Variants in PLCB1 observed in about 807,000 individuals in gnomAD.
PLCB1 encodes the protein 1-phosphatidylinositol 4,5-bisphosphate phosphodiesterase beta-1.
PLCB1 carries 46 observed loss-of-function variants against 161.8 expected under a neutral mutation model. The observed-to-expected ratio is 0.28, with a 90% CI of 0.22 to 0.36. The LOEUF is 0.36. Ranked by LOEUF, PLCB1 falls within the 10% of genes least tolerant of loss-of-function variation. The pLI is 1.00. For synonymous variants in PLCB1, 517 were observed against 503.7 expected (o/e 1.03, Z -0.35); for missense variants, 1,016 against 1,472.5 (o/e 0.69, Z 5.07).
At chr20:8,332,636 T>A (rs1985410318) in intron 2 of PLCB1, among the ~76,000 whole-genome samples, 1 of 152,222 alleles carries the variant, frequency 6.6e-6, no homozygotes, top group South Asian at 2.1e-4. Flanking sequence ...ACGTAGCCAC[T>A]CAGTGGCAAA....
intron 3 of PLCB1, among the ~76,000 whole-genome samples, chr20:8,550,622 T>C (rs1298593624): frequency 6.6e-6 from 1 of 152,138 alleles, no homozygotes; most frequent in Non-Finnish European, 1.5e-5. Flanking sequence ...CATAGCAGCA[T>C]AAGAATGGAC....
chr20:8,347,751 T>C (rs559113084), intron 2 of PLCB1, among the ~76,000 whole-genome samples: 1 of 152,312 alleles, frequency 6.6e-6, no homozygotes, highest in African/African-American at 2.4e-5. Context: ...GCCTGAAAGA[T>C]AAAATGAAAC....
At chr20:8,761,507 C>A (rs1025459357) in intron 25 of PLCB1, among the ~76,000 whole-genome samples, 1 of 152,056 alleles carries the variant, frequency 6.6e-6, no homozygotes, top group African/African-American at 2.4e-5. Flanking sequence ...TAAAAGAAAA[C>A]AAAACATGGT....
chr20:8,632,495 A>G (rs187555481), intron 4 of PLCB1, among the ~76,000 whole-genome samples: 6 of 152,314 alleles, frequency 3.9e-5, no homozygotes, highest in Admixed American at 2.6e-4. Context: ...AGACACAATA[A>G]GTAAAATAAA....
chr20:8,631,024 C>T (rs1231362647), intron 4 of PLCB1, among the ~76,000 whole-genome samples: 5 of 152,288 alleles, frequency 3.3e-5, no homozygotes, highest in Middle Eastern at 3.4e-3. Flanking sequence ...GAATATTTTG[C>T]CTTCCCTGGC....
chr20:8,586,493 T>C (rs762007739), intron 3 of PLCB1, among the ~76,000 whole-genome samples: 5 of 149,616 alleles, frequency 3.3e-5, no homozygotes, highest in Non-Finnish European at 7.4e-5. Context: ...ACATGGTAAG[T>C]AGGGAAAAAC....
At chr20:8,269,602 T>C (rs1982169897) in intron 2 of PLCB1, among the ~76,000 whole-genome samples, 1 of 152,176 alleles carries the variant, frequency 6.6e-6, no homozygotes, top group Admixed American at 6.6e-5. Flanking sequence ...ACTGATTGTC[T>C]TGTTTCCTAT....
intron 2 of PLCB1, among the ~76,000 whole-genome samples, chr20:8,286,123 G>A (rs1474157693): frequency 2.6e-5 from 4 of 152,170 alleles, no homozygotes; most frequent in Admixed American, 1.3e-4. Context: ...TCAGGAGTTC[G>A]AGACCAGCCT....
chr20:8,816,366 G>C (rs1281913342), intron 31 of PLCB1, among the ~76,000 whole-genome samples: 1 of 152,084 alleles, frequency 6.6e-6, no homozygotes, highest in Non-Finnish European at 1.5e-5. Context: ...AAAACAAAAA[G>C]AATTTTTTTC....
chr20:8,607,706 T>G (rs1987797504), intron 3 of PLCB1, among the ~76,000 whole-genome samples: 1 of 152,240 alleles, frequency 6.6e-6, no homozygotes, highest in African/African-American at 2.4e-5. Context: ...TCATTACAGT[T>G]GTGTGTTTAT....
chr20:8,495,676 C>T (rs1374394040), intron 3 of PLCB1, among the ~76,000 whole-genome samples: 1 of 151,762 alleles, frequency 6.6e-6, no homozygotes, highest in Non-Finnish European at 1.5e-5. Flanking sequence ...GGATTACAGG[C>T]GTGAGCCACC....
chr20:8,440,009 T>C (rs1448365200), intron 3 of PLCB1, among the ~76,000 whole-genome samples: 1 of 152,172 alleles, frequency 6.6e-6, no homozygotes, highest in Non-Finnish European at 1.5e-5. Context: ...AAGGCAGTTA[T>C]ACAAAAGATT....
In PLCB1 at chr20:8,660,193, T is replaced by C. The variant is rs183914857; in HGVS notation, c.862+1489T>C. Among the ~76,000 whole-genome samples, 388 of 152,194 alleles carry C rather than the reference T, an allele frequency of 2.5e-3. 2 individuals carry two copies. Among genetic ancestry groups the C allele is most frequent in the Middle Eastern group, 6.8e-3 (2 of 294 alleles). On this transcript the variant is annotated intron_variant, in intron 9 of 31. Coordinates refer to ENST00000338037, the MANE Select transcript of PLCB1 (RefSeq NM_015192.4). Reference sequence around the variant, plus strand: ...GGTGAGATTAGTTAAAGGAAACAACTAGCCCAACAGTATGTCTTGGCATGG... The same window carrying C: ...GGTGAGATTAGTTAAAGGAAACAACCAGCCCAACAGTATGTCTTGGCATGG...
intron 31 of PLCB1, among the ~76,000 whole-genome samples, chr20:8,799,087 A>C (rs1233701130): frequency 1.3e-5 from 2 of 152,222 alleles, no homozygotes; most frequent in Admixed American, 6.5e-5. Flanking sequence ...ATTAAAACTT[A>C]GATTCGCATG....
chr20:8,386,133 TA>T (rs749384716), intron 3 of PLCB1, among the ~76,000 whole-genome samples: 2 of 152,224 alleles, frequency 1.3e-5, no homozygotes, highest in African/African-American at 2.4e-5. Context: ...AAACTCCTCT[TA>T]ATGTTGATAT....
intron 3 of PLCB1, among the ~76,000 whole-genome samples, chr20:8,387,629 C>T (rs149922030): frequency 5.1e-4 from 77 of 152,286 alleles, no homozygotes; most frequent in African/African-American, 1.8e-3. Flanking sequence ...AACAGACTTG[C>T]TGGACTCAGG....
At chr20:8,238,741 G>T (rs544690958) in intron 2 of PLCB1, among the ~76,000 whole-genome samples, 15 of 152,076 alleles carry the variant, frequency 9.9e-5, no homozygotes, top group African/African-American at 3.6e-4. Context: ...GAAGTGTTTG[G>T]CCTGTGGTTT....
intron 2 of PLCB1, among the ~76,000 whole-genome samples, chr20:8,346,166 C>T (rs1985994483): frequency 1.3e-5 from 2 of 152,180 alleles, no homozygotes; most frequent in Admixed American, 1.3e-4. Context: ...AGGTTGTCAC[C>T]CCAAACTGCA....
chr20:8,848,683 T>G (rs1479690342), intron 31 of PLCB1, among the ~76,000 whole-genome samples: 1 of 152,142 alleles, frequency 6.6e-6, no homozygotes, highest in Non-Finnish European at 1.5e-5. Flanking sequence ...GAGGAGTGTG[T>G]GGATGAAGGA....
Sources: allele counts gnomAD v4.1 joint callset (sites outside exome capture counted in the v4.1 genomes callset), GRCh38; gene constraint gnomAD v4.1.1; transcripts MANE v1.5; gene names NCBI Gene and HGNC (gene_info 2026-07-23, HGNC 2026-07-21).